The following LPP variants were observed in gnomAD, a reference collection of about 807,000 sequenced individuals.
The protein encoded by LPP is LIM domain containing preferred translocation partner in lipoma.
In LPP, 38 loss-of-function variants were observed where a neutral mutation model predicts 60.4. That is an observed-to-expected ratio of 0.63 (90% CI 0.49 to 0.83). The LOEUF is 0.83. LPP is among the 40% of genes least tolerant of loss of function. The pLI is 0.00. For synonymous variants in LPP, 328 were observed against 290.8 expected (o/e 1.13, Z -1.30); for missense variants, 902 against 783.6 (o/e 1.15, Z -1.80).
chr3:188,631,861 C>G (rs1016622159), intron 7 of LPP, among the ~76,000 whole-genome samples: 1 of 152,160 alleles, frequency 6.6e-6, no homozygotes, highest in African/African-American at 2.4e-5. Flanking sequence ...TCCCATGACA[C>G]TCAGCTAAAT....
chr3:188,238,840 T>C (rs1722818277), intron 2 of LPP, among the ~76,000 whole-genome samples: 1 of 152,182 alleles, frequency 6.6e-6, no homozygotes, highest in Admixed American at 6.5e-5. Flanking sequence ...TTGGAAAAAT[T>C]GTACCTAAAG....
chr3:188,820,405 C>T (rs983725858), intron 9 of LPP, among the ~76,000 whole-genome samples: 8 of 152,000 alleles, frequency 5.3e-5, no homozygotes, highest in Admixed American at 1.3e-4. Flanking sequence ...TGGAAGTTAT[C>T]ACTAAAAAAC....
chr3:188,398,332 C>A (rs940698428), intron 3 of LPP, among the ~76,000 whole-genome samples: 4 of 152,188 alleles, frequency 2.6e-5, no homozygotes, highest in Admixed American at 1.3e-4. Flanking sequence ...AAGTCATAGA[C>A]CCAATTAGTG....
chr3:188,328,276 A>G (rs748109262), intron 2 of LPP, among the ~76,000 whole-genome samples: 29 of 152,170 alleles, frequency 1.9e-4, no homozygotes, highest in Non-Finnish European at 3.5e-4. Context: ...TGAGTCTCCT[A>G]TGATTTTGTA....
At chr3:188,294,418 A>G (rs1747148016) in intron 2 of LPP, among the ~76,000 whole-genome samples, 1 of 152,226 alleles carries the variant, frequency 6.6e-6, no homozygotes, top group South Asian at 2.1e-4. Context: ...GGGATTCAAA[A>G]TAGTGCATAG....
chr3:188,859,492 T>C (rs1463551247), intron 9 of LPP, among the ~76,000 whole-genome samples: 1 of 152,214 alleles, frequency 6.6e-6, no homozygotes, highest in Non-Finnish European at 1.5e-5. Flanking sequence ...TTGTTAATAG[T>C]TGTGTCCACC....
intron 5 of LPP, among the ~76,000 whole-genome samples, chr3:188,509,959 C>G (rs1015625563): frequency 6.8e-6 from 1 of 146,544 alleles, no homozygotes; most frequent in African/African-American, 2.5e-5. Context: ...CCTTGTGATC[C>G]GCCTGCCTTG....
At chr3:188,533,397 G>A (rs1822715396) in intron 6 of LPP, among the ~76,000 whole-genome samples, 2 of 152,188 alleles carry the variant, frequency 1.3e-5, no homozygotes, top group South Asian at 2.1e-4. Flanking sequence ...GCTGTTTCTG[G>A]CAAGGCTGCT....
chr3:188,852,650 GT>G (rs1196183141), intron 9 of LPP, among the ~76,000 whole-genome samples: 6 of 152,134 alleles, frequency 3.9e-5, no homozygotes, highest in African/African-American at 7.2e-5. Context: ...GAATGACACA[GT>G]ATGAAGGCCC....
Position 188,884,871 on chromosome 3 carries a change from T to C in LPP, c.*10392T>C, listed in dbSNP as rs1042232275. On this transcript the variant is annotated 3_prime_UTR_variant, in exon 12 of 12. Transcript: ENST00000617246. The stretch of plus-strand genomic sequence containing the variant: ...ATAGAGCCGATCCATGAGCTAACAA[T>C]GTCTGAAAACAAATGTTATGGAACT... 8.9e-6 allele frequency: 2 copies of C among 225,052 alleles called. No individual in the cohort carries two copies. Among genetic ancestry groups the C allele is most frequent in the African/African-American group, 2.2e-5 (1 of 44,862 alleles). 13.9% of individuals were successfully genotyped at this position (225,052 alleles called of 1,614,324 possible).
At chr3:188,519,366 T>TTA (rs764879778) in intron 5 of LPP, among the ~76,000 whole-genome samples, 3 of 152,224 alleles carry the variant, frequency 2.0e-5, no homozygotes. Context: ...GGTTGGACTT[T>TTA]TTATAAGACA....
chr3:188,497,450 C>A (rs908802491), intron 5 of LPP, among the ~76,000 whole-genome samples: 1 of 152,096 alleles, frequency 6.6e-6, no homozygotes, highest in African/African-American at 2.4e-5. Context: ...GAAATTATGT[C>A]ATCCCCATAT....
chr3:188,624,087 T>G (rs961538552), intron 7 of LPP, among the ~76,000 whole-genome samples: 8 of 152,164 alleles, frequency 5.3e-5, no homozygotes, highest in African/African-American at 1.9e-4. Flanking sequence ...CCTCCTTAGC[T>G]CCATTGTTCT....
At chr3:188,357,668 G>A (rs1034544273) in intron 3 of LPP, among the ~76,000 whole-genome samples, 2 of 152,150 alleles carry the variant, frequency 1.3e-5, no homozygotes, top group African/African-American at 2.4e-5. Context: ...GATAAGGCAA[G>A]CATCCTAAAC....
chr3:188,418,077 C>A (rs1055994506), intron 4 of LPP, among the ~76,000 whole-genome samples: 5 of 152,150 alleles, frequency 3.3e-5, no homozygotes, highest in African/African-American at 1.2e-4. Context: ...AGCACTTTCT[C>A]ACATAATATC....
At chr3:188,324,763 C>T (rs1314017813) in intron 2 of LPP, among the ~76,000 whole-genome samples, 1 of 152,140 alleles carries the variant, frequency 6.6e-6, no homozygotes, top group Non-Finnish European at 1.5e-5. Flanking sequence ...CAGATCATAT[C>T]ACACCCCTCC....
chr3:188,670,559 A>C (rs1387814064), intron 7 of LPP, among the ~76,000 whole-genome samples: 1 of 151,744 alleles, frequency 6.6e-6, no homozygotes, highest in East Asian at 1.9e-4. Flanking sequence ...CCAGAAGCAG[A>C]GGTTTGAACT....
rs185808450 is a variant in LPP, at chr3:188,376,161, C to T, written c.-9-29951C>T. 2.1e-3 allele frequency among the ~76,000 whole-genome samples: 312 copies of T among 152,034 alleles called. 3 individuals are homozygous for T. The highest frequency in any genetic ancestry group is 7.3e-3 in the African/African-American group (304 of 41,472). On this transcript the variant is annotated intron_variant, in intron 3 of 11. Transcript: ENST00000617246. Reference sequence around the variant, plus strand: ...ATGTTGGAGTAGGTGTGGTGTGGTGCTGAAAAAAATGTGTATTCTGTCGAT... The same window carrying T: ...ATGTTGGAGTAGGTGTGGTGTGGTGTTGAAAAAAATGTGTATTCTGTCGAT...
chr3:188,458,451 A>T (rs955863261), intron 4 of LPP, among the ~76,000 whole-genome samples: 1 of 152,190 alleles, frequency 6.6e-6, no homozygotes, highest in African/African-American at 2.4e-5. Flanking sequence ...TGTTACTATT[A>T]TAATTTTTAA....
Sources: gnomAD v4.1 joint callset for allele counts (sites outside exome capture counted in the v4.1 genomes callset) on GRCh38, gnomAD v4.1.1 for gene constraint, MANE v1.5 for transcripts, NCBI Gene and HGNC (gene_info 2026-07-23, HGNC 2026-07-21) for gene names.